The following MAML3 variants were observed in gnomAD, a reference collection of about 807,000 sequenced individuals.
MAML3 encodes mastermind-like protein 3.
A neutral mutation model predicts 101.9 loss-of-function variants in MAML3; 27 were observed. The observed-to-expected ratio is 0.27, with a 90% CI of 0.20 to 0.37. The LOEUF (loss-of-function observed/expected upper bound fraction) is 0.37. Among genes scored for constraint, MAML3 ranks in the 10% least tolerant of loss-of-function variants. MAML3 has a pLI of 1.00. For missense variants in MAML3, 1,316 were observed against 1,444.9 expected, an observed-to-expected ratio of 0.91 and a Z score of 1.45; for synonymous variants, 501 against 555.9, an observed-to-expected ratio of 0.90 and a Z score of 1.39.
At position 139,897,083 on chromosome 4, in the gene MAML3, C is replaced by T. The variant is rs115474289; in HGVS notation, c.469-6116G>A. ...TCAGATAAACTCTTACTGTCCTGTC[C>T]CTGATTTTGCACGAAGTTGGGCAGG... On this transcript the variant is annotated intron_variant, in intron 1 of 4. Transcript: ENST00000509479. 4.5e-3 allele frequency among the ~76,000 whole-genome samples: 685 copies of T among 152,178 alleles called. 10 individuals are homozygous for T. The highest frequency in any genetic ancestry group is 0.016 in the African/African-American group (652 of 41,496).
chr4:140,083,965 CACAGAGAGAGAG>C (rs55907028), intron 1 of MAML3, among the ~76,000 whole-genome samples: 23,186 of 62,306 alleles, frequency 0.37, 2,061 homozygotes, highest in Non-Finnish European at 0.43. Flanking sequence ...CACACACACA[CACAGAGAGAGAG>C]AGAGAGAGAG....
At chr4:139,847,431 G>A (rs1243613229) in intron 2 of MAML3, among the ~76,000 whole-genome samples, 2 of 152,142 alleles carry the variant, frequency 1.3e-5, no homozygotes, top group African/African-American at 4.8e-5. Flanking sequence ...ATGTTTCCAT[G>A]CACACCTGAT....
At chr4:139,804,312 G>A (rs6828066) in intron 2 of MAML3, among the ~76,000 whole-genome samples, 2,993 of 151,596 alleles carry the variant, frequency 0.02, 99 homozygotes, top group African/African-American at 0.069. Context: ...CATCACCCAG[G>A]CTGGAGTGCA....
At chr4:139,953,851 C>G (rs899399349) in intron 1 of MAML3, among the ~76,000 whole-genome samples, 8 of 152,172 alleles carry the variant, frequency 5.3e-5, no homozygotes, top group African/African-American at 1.9e-4. Flanking sequence ...TTCTCATGCT[C>G]TTAGAGACTC....
intron 2 of MAML3, among the ~76,000 whole-genome samples, chr4:139,773,435 G>A (rs1044159331): frequency 6.6e-6 from 1 of 152,142 alleles, no homozygotes; most frequent in Non-Finnish European, 1.5e-5. Context: ...ATTTTCAAGA[G>A]GATAAATGCT....
At chr4:140,002,045 TATCA>T (rs1734933972) in intron 1 of MAML3, among the ~76,000 whole-genome samples, 1 of 151,540 alleles carries the variant, frequency 6.6e-6, no homozygotes, top group African/African-American at 2.4e-5. Context: ...CTCACACACT[TATCA>T]TTTTTTTTTG....
At chr4:139,930,246 A>C (rs974700687) in intron 1 of MAML3, among the ~76,000 whole-genome samples, 1 of 152,244 alleles carries the variant, frequency 6.6e-6, no homozygotes, top group Non-Finnish European at 1.5e-5. Context: ...GAGAGTCAAA[A>C]GAACCACATT....
chr4:139,792,119 C>T (rs1038976626), intron 2 of MAML3, among the ~76,000 whole-genome samples: 1 of 152,282 alleles, frequency 6.6e-6, no homozygotes. Flanking sequence ...TGAGTACTTG[C>T]TAAGACTCAG....
At chr4:139,740,128 ATCTTCCAAGAAT>A (rs1729109931) in intron 2 of MAML3, 1 of 152,108 alleles carries the variant, frequency 6.6e-6, no homozygotes, top group South Asian at 2.1e-4. Context: ...GGTACTGACC[ATCTTCCAAGAAT>A]TCTTTGGTCT....
Position 139,725,742 on chromosome 4 carries a change from T to C in MAML3, c.2416+9A>G, listed in dbSNP as rs1728444029. On this transcript the variant is annotated intron_variant, in intron 4 of 4. Coordinates refer to ENST00000509479, the MANE Select transcript of MAML3 (RefSeq NM_018717.5). ...AGGTATAAAATGAGAGAGGTTGCAC[T>C]GGCCTCACCTTGAAACTGATTGACC... is the stretch of plus-strand genomic sequence containing the variant. The C allele has an allele frequency of 1.9e-6, 3 of 1,613,738 alleles. No homozygotes were observed. Among genetic ancestry groups the C allele is most frequent in the Non-Finnish European group, 2.5e-6 (3 of 1,179,634 alleles).
chr4:139,968,141 T>C (rs937971340), intron 1 of MAML3, among the ~76,000 whole-genome samples: 3 of 151,144 alleles, frequency 2.0e-5, no homozygotes, highest in East Asian at 2.0e-4. Context: ...TAGCCAGGCA[T>C]GGGGGCACAC....
intron 1 of MAML3, among the ~76,000 whole-genome samples, chr4:139,909,231 G>A (rs918383350): frequency 6.6e-6 from 1 of 152,150 alleles, no homozygotes; most frequent in African/African-American, 2.4e-5. Flanking sequence ...TCATGGAAAG[G>A]ATTAGTCAGA....
chr4:139,930,346 A>G (rs1733359604), intron 1 of MAML3, among the ~76,000 whole-genome samples: 1 of 152,166 alleles, frequency 6.6e-6, no homozygotes, highest in African/African-American at 2.4e-5. Flanking sequence ...CAGAGTTCAC[A>G]AAGGTGCGGA....
At chr4:139,860,274 A>G (rs1287214182) in intron 2 of MAML3, among the ~76,000 whole-genome samples, 1 of 152,202 alleles carries the variant, frequency 6.6e-6, no homozygotes, top group African/African-American at 2.4e-5. Flanking sequence ...CGCGCCCCAA[A>G]GAACGTTCTT....
chr4:140,143,249 G>A (rs1036535638), intron 1 of MAML3, among the ~76,000 whole-genome samples: 9 of 152,196 alleles, frequency 5.9e-5, no homozygotes, highest in Non-Finnish European at 1.2e-4. Context: ...AGTGCCCAAC[G>A]TGCAACAGTT....
intron 1 of MAML3, among the ~76,000 whole-genome samples, chr4:139,990,695 C>G: frequency 6.6e-6 from 1 of 152,056 alleles, no homozygotes; most frequent in Non-Finnish European, 1.5e-5. Context: ...TAAGCAACTT[C>G]AGCAAAGTCT....
intron 1 of MAML3, among the ~76,000 whole-genome samples, chr4:139,997,752 T>TG (rs1156534615): frequency 6.6e-6 from 1 of 152,050 alleles, no homozygotes; most frequent in African/African-American, 2.4e-5. Flanking sequence ...TTTCTGTTTT[T>TG]GTTTTTTTTT....
intron 2 of MAML3, among the ~76,000 whole-genome samples, chr4:139,855,324 C>G (rs1220151359): frequency 1.3e-5 from 2 of 152,118 alleles, no homozygotes; most frequent in Non-Finnish European, 2.9e-5. Context: ...GCATTTCATG[C>G]AAAGAGATGA....
chr4:139,780,787 T>C (rs867010490), intron 2 of MAML3, among the ~76,000 whole-genome samples: 95 of 152,116 alleles, frequency 6.2e-4, no homozygotes, highest in African/African-American at 2.0e-3. Context: ...CGCGCCACCA[T>C]AGCCAGCTAA....
Sources: gnomAD v4.1 joint callset for allele counts (sites outside exome capture counted in the v4.1 genomes callset) on GRCh38, gnomAD v4.1.1 for gene constraint, MANE v1.5 for transcripts, NCBI Gene and HGNC (gene_info 2026-07-23, HGNC 2026-07-21) for gene names.